ARHGEF17: variants seen among roughly 807,000 people sequenced by gnomAD.
ARHGEF17 encodes the protein 164 kDa Rho-specific guanine-nucleotide exchange factor.
In ARHGEF17, 80 loss-of-function variants were observed where a neutral mutation model predicts 174.0. The observed-to-expected ratio is 0.46, with a 90% CI of 0.38 to 0.55. The LOEUF is 0.55. ARHGEF17 is among the 20% of genes least tolerant of loss of function. The pLI is 0.00. For synonymous variants in ARHGEF17, 1,311 were observed against 1,189.1 expected, an observed-to-expected ratio of 1.10 and a Z score of -2.11; for missense variants, 2,886 against 2,839.7, an observed-to-expected ratio of 1.02 and a Z score of -0.37.
intron 1 of ARHGEF17, among the ~76,000 whole-genome samples, chr11:73,346,261 T>C (rs375794266): frequency 6.6e-5 from 10 of 152,204 alleles, no homozygotes; most frequent in African/African-American, 2.4e-4. Context: ...GCCTGGCGCA[T>C]AGGAGGGCAT....
chr11:73,361,991 G>T (rs1406186656), intron 12 of ARHGEF17, 49 bp from the exon 13 acceptor site: 2 of 1,587,928 alleles, frequency 1.3e-6, no homozygotes, highest in Non-Finnish European at 8.6e-7. Flanking sequence ...GGGAATGCTG[G>T]CAGCAGTTCC....
In ARHGEF17 at chr11:73,365,534, G is replaced by A. The variant is rs754769232; in HGVS notation, c.5695G>A (p.Val1899Ile). ...DTFEQLAEVD[V>I]TPPVHRMLAG... ...CTTTGAGCAGCTGGCAGAAGTAGACGTCACTCCTCCCGTGCACAGGATGCT... is the reference window on the plus strand; with the variant it reads ...CTTTGAGCAGCTGGCAGAAGTAGACATCACTCCTCCCGTGCACAGGATGCT... The change falls in exon 19 of 21, where the codon GTC becomes ATC. Residue 1899 changes from valine (V) to isoleucine (I), a missense_variant. Physicochemically the swap from Val to Ile is conservative, Grantham distance 29 (BLOSUM62 3). Transcript: ENST00000263674. This position sits in a 1 kb window ranked among gnomAD's most constrained non-coding sequence, Gnocchi z 4.9. 117 of 1,614,012 alleles carry A rather than the reference G, an allele frequency of 7.2e-5. 2 individuals carry two copies. Among genetic ancestry groups the A allele is most frequent in the Admixed American group, 8.3e-5 (5 of 60,010 alleles).
chr11:73,355,736 T>G lies in ARHGEF17; in HGVS notation c.3570+87T>G, dbSNP rs1865626858. On this transcript the variant is annotated intron_variant, in intron 4 of 20. Transcript: ENST00000263674. ...CCAGGAGCTCCCAGCGTGGGTACCA[T>G]AGTCCCAGCCAGTGGGCCAGCCTCC... is the stretch of plus-strand genomic sequence containing the variant. 3.9e-6 allele frequency: 6 copies of G among 1,556,888 alleles called. No homozygotes were observed. In the African/African-American group the frequency reaches 6.8e-5, roughly 18 times the overall value.
At chr11:73,327,532 G>T (rs1394500189) in intron 1 of ARHGEF17, among the ~76,000 whole-genome samples, 1 of 152,222 alleles carries the variant, frequency 6.6e-6, no homozygotes, top group Non-Finnish European at 1.5e-5. Flanking sequence ...CAGCCTGCCT[G>T]GTCCACCATA....
At chr11:73,315,498 G>A (rs924937266) in intron 1 of ARHGEF17, among the ~76,000 whole-genome samples, 11 of 152,162 alleles carry the variant, frequency 7.2e-5, no homozygotes, top group African/African-American at 1.4e-4. Context: ...GGGAACCTGC[G>A]GGGGTGGAGG....
Position 73,308,952 on chromosome 11 carries a change from G to A in ARHGEF17, c.314G>A (p.Gly105Asp). 1 of 1,360,092 alleles carries A rather than the reference G, an allele frequency of 7.4e-7. No individual in the cohort carries two copies. The highest frequency in any genetic ancestry group is 1.7e-5 in the South Asian group (1 of 57,432). 84.3% of individuals were successfully genotyped at this position (1,360,092 alleles called of 1,614,324 possible). A position where few individuals can be genotyped will look rare whatever the true frequency, so the allele number is the denominator to read the frequency against. The change falls in exon 1 of 21, where the codon GGC (glycine) becomes GAC (aspartate). Residue 105 changes from glycine to aspartate, a missense_variant. Gly to Asp is a moderately conservative substitution (Grantham distance 94). Transcript: ENST00000263674. Reference protein sequence around the residue: ...DDGSAGTRDGGVLPAAAEEAA... With the variant: ...DDGSAGTRDGDVLPAAAEEAA... ...GGCTCCGCTGGGACCCGAGACGGAG[G>A]CGTCTTACCCGCGGCCGCGGAAGAA...
chr11:73,328,890 G>T (rs1426088623), intron 1 of ARHGEF17, among the ~76,000 whole-genome samples: 3 of 152,086 alleles, frequency 2.0e-5, no homozygotes, highest in Admixed American at 1.3e-4. Flanking sequence ...GGCCAGGGGA[G>T]CCCAGAAGGT....
chr11:73,321,571 T>C (rs954181344), intron 1 of ARHGEF17, among the ~76,000 whole-genome samples: 4 of 152,214 alleles, frequency 2.6e-5, no homozygotes, highest in African/African-American at 9.6e-5. Flanking sequence ...TAAGGCGTTA[T>C]TATGAGGGCC....
chr11:73,316,883 G>T (rs1864937267), intron 1 of ARHGEF17, among the ~76,000 whole-genome samples: 2 of 152,250 alleles, frequency 1.3e-5, no homozygotes, highest in African/African-American at 4.8e-5. Flanking sequence ...AGGCCAGTCA[G>T]AAGGCTGCTG....
At chr11:73,363,882 G>C (rs764743893) in intron 16 of ARHGEF17, 49 bp downstream of exon 16, 7 of 1,563,618 alleles carry the variant, frequency 4.5e-6, no homozygotes, top group African/African-American at 1.4e-5. Flanking sequence ...TCAGCCACAC[G>C]TGCAGGCCTC....
intron 2 of ARHGEF17, 40 bp from the exon 3 acceptor site, chr11:73,352,790 A>G: frequency 6.2e-7 from 1 of 1,607,252 alleles, no homozygotes; most frequent in Non-Finnish European, 8.5e-7. Flanking sequence ...TGGGGGCGGC[A>G]TCTCTGAGGG....
intron 2 of ARHGEF17, among the ~76,000 whole-genome samples, chr11:73,349,242 CTA>C (rs1157688624): frequency 1.3e-5 from 2 of 152,192 alleles, no homozygotes; most frequent in Non-Finnish European, 2.9e-5. Flanking sequence ...CTGGGTGATA[CTA>C]GCCTAATCAC....
intron 1 of ARHGEF17, among the ~76,000 whole-genome samples, chr11:73,344,715 T>A (rs1865432441): frequency 6.6e-6 from 1 of 152,242 alleles, no homozygotes; most frequent in Non-Finnish European, 1.5e-5. Context: ...AGGGCGGGGT[T>A]ATTAGCTCCA....
At position 73,362,031 on chromosome 11, in the gene ARHGEF17, C is replaced by T; in HGVS notation, c.4495-9C>T. 6.2e-7 allele frequency: 1 copy of T among 1,609,724 alleles called. No homozygotes were observed. Among genetic ancestry groups the T allele is most frequent in the Non-Finnish European group, 8.5e-7 (1 of 1,177,486 alleles). ...TTCACCTTCTCCTGTCCATTGGCGCCTCCTGCAGTTCTCCTGTGCGGCTCC... is the reference window on the plus strand; with the variant it reads ...TTCACCTTCTCCTGTCCATTGGCGCTTCCTGCAGTTCTCCTGTGCGGCTCC... On this transcript the variant is annotated splice_polypyrimidine_tract_variant and intron_variant, in intron 12 of 20. Coordinates refer to ENST00000263674, the MANE Select transcript of ARHGEF17 (RefSeq NM_014786.4).
rs1276900481 is a variant in ARHGEF17, at chr11:73,357,132, C to G, written c.3999C>G (p.Ser1333Arg). The G allele has an allele frequency of 1.9e-6, 3 of 1,614,026 alleles. No individual in the cohort carries two copies. The Admixed American group carries it at 5.0e-5, about 27-fold the overall frequency. ...GCTCCCTGCGGCGCAGCTCCATGAG[C>G]CTGTGAGTGGCTGGGCCGGGGTTTG... ...KSGSLRRSSM[S>R]LYTAASVIDT... Residue 1333 changes from serine (S) to arginine (R), a missense_variant and splice_region_variant, in exon 8 of 21, where the codon AGC becomes AGG. Around this residue, in one of 4 missense-constraint regions of ARHGEF17, gnomAD observed 353 missense variants for 470.3 expected, o/e 0.75. Transcript: ENST00000263674.
intron 1 of ARHGEF17, among the ~76,000 whole-genome samples, chr11:73,344,151 C>T (rs1591745979): frequency 1.3e-5 from 2 of 152,100 alleles, no homozygotes; most frequent in African/African-American, 4.8e-5. Flanking sequence ...ATGAGGGGTG[C>T]TGTGGGGAGG....
intron 2 of ARHGEF17, among the ~76,000 whole-genome samples, chr11:73,351,802 G>A (rs899965683): frequency 1.4e-4 from 22 of 151,974 alleles, no homozygotes; most frequent in African/African-American, 4.3e-4. Context: ...GGCTGGTGGC[G>A]AACTCCTGAG....
chr11:73,352,884 C>T lies in ARHGEF17; in HGVS notation c.3325C>T (p.Leu1109=). ...GAACTCCGTGCTCTGTGACCCTTCA[C>T]TGGTGGACGAGATCTTCGACCAGAT... is the stretch of plus-strand genomic sequence containing the variant. ...PENSVLCDPS[L]VDEIFDQIPE... is the part of the protein sequence containing the mutation. The change falls in exon 3 of 21, where the codon CTG becomes TTG. Residue 1109 remains leucine (L), a synonymous_variant. Coordinates refer to ENST00000263674, the MANE Select transcript of ARHGEF17 (RefSeq NM_014786.4). 6.2e-7 allele frequency: 1 copy of T among 1,614,156 alleles called. No homozygotes were observed. Among genetic ancestry groups the T allele is most frequent in the Non-Finnish European group, 8.5e-7 (1 of 1,180,038 alleles).
chr11:73,357,043 AAGG>A lies in ARHGEF17; in HGVS notation c.3912_3914del (p.Lys1304_Asp1305delinsAsn). ...TCCACAGAAGGCGATCGGTGGCAAG[AAGG>A]ACCGGTCTCTCTTCCTGTTCACGGA... On this transcript the variant is annotated inframe_deletion, in exon 8 of 21. Coordinates refer to ENST00000263674, the MANE Select transcript of ARHGEF17 (RefSeq NM_014786.4). The A allele has an allele frequency of 1.9e-6, 3 of 1,614,136 alleles. No individual in the cohort carries two copies. In the South Asian group the frequency reaches 3.3e-5, roughly 18 times the overall value.
Sources: gnomAD v4.1 joint callset for allele counts (sites outside exome capture counted in the v4.1 genomes callset) on GRCh38, gnomAD v4.1.1 for gene constraint, gnomAD v4.1.1 regional missense constraint, Gnocchi (gnomAD v3.1) non-coding constraint, MANE v1.5 for transcripts, NCBI Gene and HGNC (gene_info 2026-07-23, HGNC 2026-07-21) for gene names.